MYPN: variants seen among roughly 807,000 people sequenced by gnomAD.
The protein encoded by MYPN is myopalladin.
A neutral mutation model predicts 129.4 loss-of-function variants in MYPN; 63 were observed. The observed-to-expected ratio is 0.49, with a 90% CI of 0.40 to 0.60. The LOEUF is 0.60. Among genes scored for constraint, MYPN ranks in the 20% least tolerant of loss-of-function variants. The pLI is 0.00. For missense variants in MYPN, 1,596 were observed against 1,635.4 expected, an observed-to-expected ratio of 0.98 and a Z score of 0.42; for synonymous variants, 629 against 600.9, an observed-to-expected ratio of 1.05 and a Z score of -0.68.
rs188002454 is a variant in MYPN, at chr10:68,143,425, G to C, written c.1078+310G>C. On this transcript the variant is annotated intron_variant, in intron 3 of 19. Transcript: ENST00000358913. The stretch of plus-strand genomic sequence containing the variant: ...GTATGTATGAGTGTAGGGGGCGGAG[G>C]AGTGGGGAATGAGCCACAAGGTCGT... Among the ~76,000 whole-genome samples, 122 of 152,214 alleles carry C rather than the reference G, an allele frequency of 8.0e-4. 1 individual carries two copies. Among genetic ancestry groups the C allele is most frequent in the Admixed American group, 1.6e-3 (25 of 15,280 alleles).
intron 10 of MYPN, among the ~76,000 whole-genome samples, chr10:68,168,472 T>C (rs979529921): frequency 6.6e-6 from 1 of 152,192 alleles, no homozygotes; most frequent in African/African-American, 2.4e-5. Context: ...TATGAGTGAC[T>C]GCGGCCCAGG....
chr10:68,189,003 T>A lies in MYPN; in HGVS notation c.2802T>A (p.His934Gln), dbSNP rs752426180. The change falls in exon 13 of 20, where the codon CAT becomes CAA. Residue 934 changes from histidine to glutamine, a missense_variant. Physicochemically the swap from His to Gln is conservative, Grantham distance 24 (BLOSUM62 0). Transcript: ENST00000358913. ...ATGAATCAGATGATGAAATTCAACA[T>A]GATGAGATCCCCACGGGCAAGTGTA... is the stretch of plus-strand genomic sequence containing the variant. ...PVDESDDEIQ[H>Q]DEIPTGKCIA... 65 of 1,614,018 alleles carry A rather than the reference T, an allele frequency of 4.0e-5. No homozygotes were observed. The Admixed American group carries it at 1.1e-3, about 26-fold the overall frequency.
chr10:68,209,693 G>GT (rs2043876552), intron 19 of MYPN, among the ~76,000 whole-genome samples: 1 of 101,590 alleles, frequency 9.8e-6, no homozygotes, highest in East Asian at 3.1e-4. Flanking sequence ...TTTTTTGTTT[G>GT]TTTTTTTCTT....
At chr10:68,093,985 C>T (rs1488966186) in intron 1 of MYPN, among the ~76,000 whole-genome samples, 2 of 152,062 alleles carry the variant, frequency 1.3e-5, no homozygotes, top group Non-Finnish European at 2.9e-5. Flanking sequence ...CATTTGTAAA[C>T]TGTCACGGTG....
intron 4 of MYPN, among the ~76,000 whole-genome samples, chr10:68,145,844 G>A (rs1417526098): frequency 1.3e-5 from 2 of 152,080 alleles, no homozygotes; most frequent in Admixed American, 6.6e-5. Context: ...GTGCAGATAC[G>A]AACATTCATA....
At chr10:68,166,179 A>G in intron 9 of MYPN, 115 bp from the exon 10 acceptor site, 2 of 1,229,062 alleles carry the variant, frequency 1.6e-6, no homozygotes, top group Admixed American at 3.4e-5. Flanking sequence ...TCTGTTTTTG[A>G]CAAGCATTTT....
chr10:68,119,385 T>TTTTATTTATTTA (rs141638905), intron 1 of MYPN, among the ~76,000 whole-genome samples: 1,495 of 144,754 alleles, frequency 0.01, 22 homozygotes, highest in African/African-American at 0.024. Context: ...TTGCATTTTA[T>TTTTATTTATTTA]TTTATTTATT....
intron 10 of MYPN, among the ~76,000 whole-genome samples, chr10:68,172,813 C>T (rs1276641566): frequency 6.6e-6 from 1 of 152,160 alleles, no homozygotes; most frequent in Non-Finnish European, 1.5e-5. Context: ...TGGCTCGCGC[C>T]TGTAATCCCA....
intron 18 of MYPN, among the ~76,000 whole-genome samples, chr10:68,205,777 C>T (rs978465353): frequency 6.6e-6 from 1 of 152,032 alleles, no homozygotes; most frequent in Non-Finnish European, 1.5e-5. Flanking sequence ...ACATAGTATT[C>T]GTAAGTGTTT....
At chr10:68,166,946 G>A (rs2043065312) in intron 10 of MYPN, among the ~76,000 whole-genome samples, 1 of 152,136 alleles carries the variant, frequency 6.6e-6, no homozygotes. Context: ...GACAGAGGCA[G>A]GAGGATCACT....
At chr10:68,128,839 T>C (rs889994966) in intron 2 of MYPN, among the ~76,000 whole-genome samples, 2 of 152,050 alleles carry the variant, frequency 1.3e-5, no homozygotes, top group African/African-American at 2.4e-5. Context: ...GCTGAGGGAA[T>C]AGAAAATTTG....
intron 11 of MYPN, among the ~76,000 whole-genome samples, 156 bp downstream of exon 11, chr10:68,174,812 G>A (rs2043201787): frequency 6.6e-6 from 1 of 152,164 alleles, no homozygotes; most frequent in South Asian, 2.1e-4. Context: ...CAGGACAAAG[G>A]GGATGATTAC....
chr10:68,210,576 C>A lies in MYPN; in HGVS notation c.*121C>A. The A allele has an allele frequency of 8.5e-7, 1 of 1,183,168 alleles. No homozygotes were observed. The highest frequency in any genetic ancestry group is 1.2e-6 in the Non-Finnish European group (1 of 803,654). The allele number at this position is 1,183,168 out of a possible 1,614,324, so 73.3% of individuals were successfully genotyped here. On this transcript the variant is annotated 3_prime_UTR_variant, in exon 20 of 20. Coordinates refer to ENST00000358913, the MANE Select transcript of MYPN (RefSeq NM_032578.4). The stretch of plus-strand genomic sequence containing the variant: ...AGTTCCCACACTGCTGGACCTGTGG[C>A]AAAGAGTGCTTTGAATAAGTCAGCT...
In MYPN at chr10:68,158,612, A is replaced by G; in HGVS notation, c.1444A>G (p.Arg482Gly). The G allele has an allele frequency of 6.3e-7, 1 of 1,594,426 alleles. No individual in the cohort carries two copies. The highest frequency in any genetic ancestry group is 8.6e-7 in the Non-Finnish European group (1 of 1,162,642). The change falls in exon 7 of 20, where the codon AGG (arginine) becomes GGG (glycine). Residue 482 changes from arginine to glycine, a missense_variant. Physicochemically the swap from Arg to Gly is moderately radical, Grantham distance 125. Transcript: ENST00000358913. The part of the protein sequence containing the change: ...GTLIEDSPDF[R>G]ILQKKPRSMA... ...TTTAATAGAAGATTCTCCAGATTTT[A>G]GGATTTTACAGAAAAGTAAGTTAAT...
chr10:68,199,181 CA>C (rs2043664600), intron 16 of MYPN, among the ~76,000 whole-genome samples, 186 bp from the exon 17 acceptor site: 1 of 152,068 alleles, frequency 6.6e-6, no homozygotes, highest in African/African-American at 2.4e-5. Flanking sequence ...AAGTACCATA[CA>C]GTTCAAATTC....
chr10:68,160,449 A>C (rs1035265567), intron 7 of MYPN, among the ~76,000 whole-genome samples: 12 of 150,972 alleles, frequency 7.9e-5, no homozygotes, highest in Admixed American at 6.6e-5. Context: ...AAAAAAAAAA[A>C]AAAAAACAGA....
chr10:68,138,427 T>C (rs374749711), intron 2 of MYPN, among the ~76,000 whole-genome samples: 2 of 151,176 alleles, frequency 1.3e-5, no homozygotes, highest in Non-Finnish European at 2.9e-5. Flanking sequence ...TTTCTTTCTT[T>C]CTTTTTTTTT....
intron 15 of MYPN, 120 bp downstream of exon 15, chr10:68,195,652 T>G: frequency 1.2e-6 from 1 of 801,914 alleles, no homozygotes; most frequent in Non-Finnish European, 2.2e-6. Context: ...CTTGCAGCAC[T>G]AGCATCACCT....
chr10:68,197,564 G>A, intron 16 of MYPN, 86 bp downstream of exon 16: 2 of 1,571,372 alleles, frequency 1.3e-6, no homozygotes, highest in Non-Finnish European at 1.7e-6. Context: ...TTGTTTTGTG[G>A]GTTTTTTTTT....
Sources: allele counts gnomAD v4.1 joint callset (sites outside exome capture counted in the v4.1 genomes callset), GRCh38; gene constraint gnomAD v4.1.1; transcripts MANE v1.5; gene names NCBI Gene and HGNC (gene_info 2026-07-23, HGNC 2026-07-21).